LRRC28: variants seen among roughly 807,000 people sequenced by gnomAD.
LRRC28 encodes leucine rich repeat containing 28, also known as leucine-rich repeat-containing protein 28.
In LRRC28, 39 loss-of-function variants were observed where a neutral mutation model predicts 45.7. That is an observed-to-expected ratio of 0.85 (90% CI 0.66 to 1.12). LRRC28 has a LOEUF of 1.12. LRRC28 is among the 50% of genes most tolerant of loss of function. The pLI, the probability that LRRC28 is intolerant of heterozygous loss-of-function variation, is 0.00. For synonymous variants in LRRC28, 206 were observed against 178.8 expected, an observed-to-expected ratio of 1.15 and a Z score of -1.22; for missense variants, 435 against 438.5, an observed-to-expected ratio of 0.99 and a Z score of 0.07.
intron 3 of LRRC28, chr15:99,285,604 G>A (rs754199078): frequency 1.0e-5 from 7 of 688,112 alleles, no homozygotes; most frequent in African/African-American, 3.6e-5. Flanking sequence ...AGACTTTAAC[G>A]ATGCTTCCTC....
intron 1 of LRRC28, among the ~76,000 whole-genome samples, chr15:99,254,608 G>T (rs28631063): frequency 1.3e-5 from 2 of 152,216 alleles, no homozygotes. Context: ...GGAATCTTGT[G>T]AGTCAGTGTC....
intron 9 of LRRC28, among the ~76,000 whole-genome samples, chr15:99,374,558 A>G (rs368585536): frequency 6.6e-6 from 1 of 151,524 alleles, no homozygotes; most frequent in South Asian, 2.1e-4. Context: ...GAATAGTTTT[A>G]TTTCTTCCCT....
chr15:99,338,923 A>G (rs1453203781), intron 6 of LRRC28, among the ~76,000 whole-genome samples: 2 of 152,224 alleles, frequency 1.3e-5, no homozygotes, highest in Admixed American at 6.5e-5. Context: ...TATTATTACT[A>G]TGCCATCACA....
chr15:99,305,296 G>A (rs1170410225), intron 5 of LRRC28, among the ~76,000 whole-genome samples: 1 of 152,174 alleles, frequency 6.6e-6, no homozygotes, highest in African/African-American at 2.4e-5. Flanking sequence ...TTTTAATATA[G>A]TCATGGTTGA....
chr15:99,334,995 T>C (rs886788634), intron 6 of LRRC28, among the ~76,000 whole-genome samples: 2 of 152,168 alleles, frequency 1.3e-5, no homozygotes, highest in African/African-American at 4.8e-5. Context: ...ATGGATACAT[T>C]AAAATCAATG....
intron 1 of LRRC28, among the ~76,000 whole-genome samples, chr15:99,254,102 C>G (rs1387336238): frequency 1.3e-5 from 2 of 152,192 alleles, no homozygotes; most frequent in African/African-American, 4.8e-5. Flanking sequence ...GAATAATTAC[C>G]TATGAAGTTT....
At chr15:99,368,346 A>G (rs1223421113) in intron 9 of LRRC28, among the ~76,000 whole-genome samples, 1 of 152,344 alleles carries the variant, frequency 6.6e-6, no homozygotes, top group African/African-American at 2.4e-5. Context: ...AGACATTCCT[A>G]TTCCACAAGT....
chr15:99,260,033 T>A, intron 2 of LRRC28: 2 of 572,664 alleles, frequency 3.5e-6, no homozygotes, highest in South Asian at 3.5e-5. Flanking sequence ...TATACTCTCA[T>A]CGTTTGGATC....
At chr15:99,341,415 C>T (rs920065766) in intron 6 of LRRC28, among the ~76,000 whole-genome samples, 11 of 152,060 alleles carry the variant, frequency 7.2e-5, no homozygotes, top group Non-Finnish European at 1.3e-4. Flanking sequence ...TCTGACAGTG[C>T]TTTGTTTTTC....
intron 9 of LRRC28, among the ~76,000 whole-genome samples, chr15:99,371,992 C>T (rs1957496353): frequency 6.6e-6 from 1 of 152,196 alleles, no homozygotes; most frequent in Non-Finnish European, 1.5e-5. Flanking sequence ...CCATGAGAGA[C>T]AGTCACTACT....
At chr15:99,371,715 C>G (rs948833612) in intron 9 of LRRC28, among the ~76,000 whole-genome samples, 1 of 152,136 alleles carries the variant, frequency 6.6e-6, no homozygotes, top group Non-Finnish European at 1.5e-5. Context: ...CTTAAGGTGA[C>G]TTATGAAATT....
intron 2 of LRRC28, among the ~76,000 whole-genome samples, chr15:99,263,737 A>G (rs2081262028): frequency 1.3e-5 from 2 of 152,196 alleles, no homozygotes; most frequent in African/African-American, 4.8e-5. Flanking sequence ...TATGACACCG[A>G]AGACTGACTT....
At chr15:99,300,783 G>A (rs921646541) in intron 5 of LRRC28, among the ~76,000 whole-genome samples, 1 of 152,156 alleles carries the variant, frequency 6.6e-6, no homozygotes, top group Non-Finnish European at 1.5e-5. Flanking sequence ...CCAAGATTGT[G>A]CCACTGCACT....
chr15:99,381,003 A>G (rs1392121994), intron 9 of LRRC28, among the ~76,000 whole-genome samples: 1 of 152,014 alleles, frequency 6.6e-6, no homozygotes, highest in Non-Finnish European at 1.5e-5. Flanking sequence ...TCTGATAATT[A>G]TGTATCTTGG....
chr15:99,295,523 A>C (rs1253275343), intron 5 of LRRC28, among the ~76,000 whole-genome samples: 1 of 152,256 alleles, frequency 6.6e-6, no homozygotes, highest in Non-Finnish European at 1.5e-5. Context: ...AGACAGAAAG[A>C]ACAGCCAATC....
In LRRC28 at chr15:99,388,708, C is replaced by G. The variant is rs1161372995; in HGVS notation, c.*2606C>G. ...CTGAAGTTATTATATATGTTGTTTT[C>G]TTGAGCAACAGTTACACTAGGTAGA... On this transcript the variant is annotated 3_prime_UTR_variant, in exon 10 of 10. Transcript: ENST00000301981. 6.6e-6 allele frequency: 1 copy of G among 152,142 alleles called. No individual in the cohort carries two copies. The highest frequency in any genetic ancestry group is 1.5e-5 in the Non-Finnish European group (1 of 68,022). 9.4% of individuals were successfully genotyped at this position (152,142 alleles called of 1,614,324 possible).
intron 9 of LRRC28, among the ~76,000 whole-genome samples, chr15:99,375,848 C>T (rs1231407768): frequency 6.6e-6 from 1 of 151,952 alleles, no homozygotes; most frequent in Non-Finnish European, 1.5e-5. Flanking sequence ...CGTGTGTTCT[C>T]TCTTTTTGTC....
At chr15:99,299,187 TG>T (rs2082336941) in intron 5 of LRRC28, among the ~76,000 whole-genome samples, 1 of 152,238 alleles carries the variant, frequency 6.6e-6, no homozygotes, top group Non-Finnish European at 1.5e-5. Context: ...AACCAAACTT[TG>T]GCAAAGTATG....
intron 5 of LRRC28, among the ~76,000 whole-genome samples, chr15:99,298,027 A>G (rs909185861): frequency 6.6e-6 from 1 of 152,150 alleles, no homozygotes; most frequent in African/African-American, 2.4e-5. Context: ...CTAAAAAACA[A>G]AAGTTCATTG....
Sources: allele counts gnomAD v4.1 joint callset (sites outside exome capture counted in the v4.1 genomes callset), GRCh38; gene constraint gnomAD v4.1.1; transcripts MANE v1.5; gene names NCBI Gene and HGNC (gene_info 2026-07-23, HGNC 2026-07-21).